The following WWOX variants were observed in gnomAD, a reference collection of about 807,000 sequenced individuals.
WWOX encodes the protein WW domain-containing oxidoreductase.
WWOX carries 69 observed loss-of-function variants against 46.2 expected under a neutral mutation model. The ratio of observed to expected loss-of-function variants is 1.49; its 90% CI spans 1.23 to 1.82. The LOEUF (loss-of-function observed/expected upper bound fraction) is 1.82, where lower values mean the gene tolerates loss of function less well. WWOX is among the 40% of genes most tolerant of loss of function. The pLI is 0.00. For synonymous variants in WWOX, 359 were observed against 202.6 expected (o/e 1.77, Z -6.56); for missense variants, 919 against 542.6 (o/e 1.69, Z -6.89).
intron 8 of WWOX, among the ~76,000 whole-genome samples, chr16:78,863,939 G>C (rs542770134): frequency 6.6e-6 from 1 of 152,262 alleles, no homozygotes; most frequent in African/African-American, 2.4e-5. Flanking sequence ...ATCTCTCTTT[G>C]TGTGGCTGAA....
chr16:78,278,703 A>G (rs1184244749), intron 5 of WWOX: 15 of 1,547,958 alleles, frequency 9.7e-6, no homozygotes, highest in African/African-American at 1.4e-5. Context: ...CATCAATTAC[A>G]TCTTCTTTTG....
In WWOX at chr16:79,026,996, G is replaced by A. The variant is rs534981431; in HGVS notation, c.1057-184612G>A. Among the ~76,000 whole-genome samples the A allele has an allele frequency of 1.9e-4, 29 of 151,378 alleles. 2 individuals are homozygous for A. The highest frequency in any genetic ancestry group is 7.1e-4 in the African/African-American group (29 of 40,882). ...TAAATAAAGAAAAGTTAACACAGTGGAGTCCAGGTACAGTGGCTCATGCCT... is the reference window on the plus strand; with the variant it reads ...TAAATAAAGAAAAGTTAACACAGTGAAGTCCAGGTACAGTGGCTCATGCCT... On this transcript the variant is annotated intron_variant, in intron 8 of 8. Transcript: ENST00000566780.
chr16:79,011,777 G>A (rs2047315345), intron 8 of WWOX, among the ~76,000 whole-genome samples: 1 of 151,964 alleles, frequency 6.6e-6, no homozygotes, highest in African/African-American at 2.4e-5. Flanking sequence ...ACAGGCATGA[G>A]CCACCATGCC....
intron 8 of WWOX, among the ~76,000 whole-genome samples, chr16:78,970,370 A>G (rs747349013): frequency 3.3e-5 from 5 of 152,190 alleles, no homozygotes; most frequent in Admixed American, 2.0e-4. Context: ...AATAACATCA[A>G]TTAGCATAAC....
At chr16:78,387,250 A>AT (rs1185950777) in intron 6 of WWOX, among the ~76,000 whole-genome samples, 1 of 152,182 alleles carries the variant, frequency 6.6e-6, no homozygotes, top group East Asian at 1.9e-4. Context: ...TGATTATAAG[A>AT]TTTTTTGTAG....
chr16:78,417,518 G>A (rs1364250989), intron 6 of WWOX, among the ~76,000 whole-genome samples: 4 of 151,722 alleles, frequency 2.6e-5, no homozygotes, highest in Non-Finnish European at 4.4e-5. Flanking sequence ...CTCAAAAAAG[G>A]AAAAAAAAGT....
intron 8 of WWOX, among the ~76,000 whole-genome samples, chr16:78,903,745 A>G (rs958429270): frequency 6.6e-6 from 1 of 152,198 alleles, no homozygotes; most frequent in Non-Finnish European, 1.5e-5. Flanking sequence ...TCCATTATGC[A>G]TAGTACAGGA....
At chr16:78,589,156 T>G (rs1441253233) in intron 8 of WWOX, among the ~76,000 whole-genome samples, 1 of 152,226 alleles carries the variant, frequency 6.6e-6, no homozygotes, top group Admixed American at 6.5e-5. Flanking sequence ...GTATTTCTGT[T>G]GGGATCCGGG....
chr16:78,974,796 C>T (rs567938033), intron 8 of WWOX, among the ~76,000 whole-genome samples: 11 of 152,106 alleles, frequency 7.2e-5, no homozygotes, highest in Non-Finnish European at 1.3e-4. Flanking sequence ...ATGTTTAGGG[C>T]GTAATCTTCT....
intron 8 of WWOX, chr16:79,016,297 T>C (rs572646011): frequency 2.0e-5 from 3 of 152,402 alleles, no homozygotes; most frequent in South Asian, 4.1e-4. Context: ...TTTCTCCCAC[T>C]GATGAGATGC....
intron 8 of WWOX, among the ~76,000 whole-genome samples, chr16:78,816,838 G>A (rs180958323): frequency 8.9e-4 from 136 of 152,218 alleles, no homozygotes; most frequent in East Asian, 5.8e-3. Flanking sequence ...GTACTCATCT[G>A]TGTAATCTAT....
Position 78,677,306 on chromosome 16 carries a change from C to T in WWOX, c.1056+244554C>T, listed in dbSNP as rs139181454. Among the ~76,000 whole-genome samples the T allele has an allele frequency of 1.6e-3, 251 of 152,268 alleles. 2 individuals carry two copies. The highest frequency in any genetic ancestry group is 5.1e-3 in the African/African-American group (210 of 41,550). ...TTTTGGTTTCTCTGTCTACTCATTA[C>T]GTACACTCTGCCAGAGGTTGAAAAC... On this transcript the variant is annotated intron_variant, in intron 8 of 8. Coordinates refer to ENST00000566780, the MANE Select transcript of WWOX (RefSeq NM_016373.4).
intron 8 of WWOX, among the ~76,000 whole-genome samples, chr16:78,993,056 T>A (rs1401439434): frequency 1.3e-5 from 2 of 152,208 alleles, no homozygotes; most frequent in African/African-American, 4.8e-5. Context: ...ATTTTTCATA[T>A]AAATGCACAT....
chr16:78,991,121 G>C (rs1202816893), intron 8 of WWOX, among the ~76,000 whole-genome samples: 1 of 152,186 alleles, frequency 6.6e-6, no homozygotes, highest in East Asian at 1.9e-4. Context: ...GAAAAGTGAA[G>C]GAAAGTACCT....
chr16:78,714,462 G>A (rs1314257745), intron 8 of WWOX, among the ~76,000 whole-genome samples: 1 of 151,900 alleles, frequency 6.6e-6, no homozygotes, highest in Non-Finnish European at 1.5e-5. Flanking sequence ...ACCTCCCACC[G>A]AGTCCCTCCC....
chr16:78,440,612 G>T (rs2151394526), intron 8 of WWOX, among the ~76,000 whole-genome samples: 1 of 144,696 alleles, frequency 6.9e-6, no homozygotes, highest in South Asian at 2.2e-4. Flanking sequence ...AATTTCTGTA[G>T]TTTTTTTTTT....
intron 4 of WWOX, among the ~76,000 whole-genome samples, chr16:78,133,463 G>A (rs1320086202): frequency 6.6e-6 from 1 of 152,296 alleles, no homozygotes; most frequent in Non-Finnish European, 1.5e-5. Flanking sequence ...GTTTCACCAT[G>A]TTGGCCAGGC....
At chr16:78,530,960 G>A (rs1026298821) in intron 8 of WWOX, among the ~76,000 whole-genome samples, 1 of 152,146 alleles carries the variant, frequency 6.6e-6, no homozygotes, top group Non-Finnish European at 1.5e-5. Context: ...AAAAAAGTTA[G>A]GCTCTGAGAA....
intron 8 of WWOX, among the ~76,000 whole-genome samples, chr16:78,558,473 T>C (rs944089615): frequency 3.0e-4 from 46 of 152,260 alleles, no homozygotes; most frequent in African/African-American, 1.1e-3. Context: ...TACATTTGGC[T>C]ACAGTTGGCT....
Sources: gnomAD v4.1 joint callset for allele counts (sites outside exome capture counted in the v4.1 genomes callset) on GRCh38, gnomAD v4.1.1 for gene constraint, MANE v1.5 for transcripts, NCBI Gene and HGNC (gene_info 2026-07-23, HGNC 2026-07-21) for gene names.